Variants in KIFC3 observed in about 807,000 individuals in gnomAD.
KIFC3 encodes the protein kinesin-like protein KIFC3.
In KIFC3, 60 loss-of-function variants were observed where a neutral mutation model predicts 101.8. That is an observed-to-expected ratio of 0.59 (90% CI 0.48 to 0.73). The LOEUF (loss-of-function observed/expected upper bound fraction) is 0.73. Ranked by LOEUF, KIFC3 falls within the 30% of genes least tolerant of loss-of-function variation. The probability of loss-of-function intolerance (pLI) is 0.00; values close to 1 mark genes in which losing one functional copy is unlikely to be tolerated. For missense variants in KIFC3, 966 were observed against 1,137.1 expected, an observed-to-expected ratio of 0.85 and a Z score of 2.16; for synonymous variants, 476 against 482.7, an observed-to-expected ratio of 0.99 and a Z score of 0.18.
chr16:57,788,595 G>T, intron 3 of KIFC3: 2 of 1,289,096 alleles, frequency 1.6e-6, no homozygotes, highest in Non-Finnish European at 2.0e-6. Context: ...TACATTCATG[G>T]TGCCACCAGC....
chr16:57,775,077 C>T, intron 3 of KIFC3: 1 of 1,501,200 alleles, frequency 6.7e-7, no homozygotes. Context: ...GGCGGGATAC[C>T]CACCAGCCAC....
In KIFC3 at chr16:57,785,524, C is replaced by A. The variant is rs563618700; in HGVS notation, c.315+9475G>T. On this transcript the variant is annotated intron_variant, in intron 3 of 19. Coordinates refer to ENST00000445690, the MANE Select transcript of KIFC3 (RefSeq NM_001130100.2). ...CACTGTCGCGGAGGGCCAGCCTCTC[C>A]TGTAGGACCACCAGCTCCTCCTGTA... is the stretch of plus-strand genomic sequence containing the variant. The A allele has an allele frequency of 1.9e-5, 24 of 1,288,766 alleles. No individual in the cohort carries two copies. In the South Asian group the frequency reaches 2.6e-4, roughly 14 times the overall value. The allele number at this position is 1,288,766 out of a possible 1,614,324, so 79.8% of individuals were successfully genotyped here.
chr16:57,760,055 C>T, intron 17 of KIFC3: 3 of 620,968 alleles, frequency 4.8e-6, no homozygotes, highest in East Asian at 2.8e-5. Flanking sequence ...CTACTATGTG[C>T]CACCCCCACG....
At chr16:57,814,465 T>C (rs2055170283) in intron 1 of KIFC3, among the ~76,000 whole-genome samples, 1 of 152,164 alleles carries the variant, frequency 6.6e-6, no homozygotes, top group Admixed American at 6.5e-5. Context: ...TAACAGGTAA[T>C]ATTTATTGAG....
Position 57,759,799 on chromosome 16 carries a change from C to G in KIFC3, c.2405G>C (p.Arg802Pro), listed in dbSNP as rs369576344. The change falls in exon 18 of 20, where the codon CGG becomes CCG. Residue 802 changes from arginine to proline, a missense_variant. This residue lies in a region of KIFC3 where 689 missense variants were observed against 884.6 expected (regional missense o/e 0.78). Coordinates refer to ENST00000445690, the MANE Select transcript of KIFC3 (RefSeq NM_001130100.2). ...CCCAGAGCTGGGGGCTGAGTGGGCC[C>G]GTGCCGAGGGCTGTGGCGTCTGACA... ...PACQTPQPSA[R>P]AHSAPSSGTS... The G allele has an allele frequency of 1.9e-6, 3 of 1,610,568 alleles. No homozygotes were observed. The highest frequency in any genetic ancestry group is 2.5e-6 in the Non-Finnish European group (3 of 1,178,788).
At chr16:57,784,452 C>CATG (rs1416844258) in intron 3 of KIFC3, among the ~76,000 whole-genome samples, 1 of 152,240 alleles carries the variant, frequency 6.6e-6, no homozygotes, top group Non-Finnish European at 1.5e-5. Context: ...AGAAATGCTG[C>CATG]ATTTCAAAAA....
chr16:57,771,756 C>A, intron 4 of KIFC3, 70 bp from the exon 5 acceptor site: 1 of 1,527,378 alleles, frequency 6.5e-7, no homozygotes, highest in African/African-American at 1.4e-5. Context: ...GAGAGGCCCG[C>A]GGAGATGGCA....
chr16:57,822,777 G>A (rs1470710440), intron 1 of KIFC3, among the ~76,000 whole-genome samples: 1 of 152,134 alleles, frequency 6.6e-6, no homozygotes, highest in Non-Finnish European at 1.5e-5. Flanking sequence ...CTCAGAGACT[G>A]TTCCAGATTG....
intron 3 of KIFC3, chr16:57,782,379 C>T (rs992418257): frequency 3.3e-5 from 5 of 152,698 alleles, no homozygotes; most frequent in African/African-American, 1.2e-4. Flanking sequence ...TGGTGGTGGC[C>T]ACAGCAACAC....
Position 57,760,853 on chromosome 16 carries a change from G to A in KIFC3, c.2105C>T (p.Ser702Leu), listed in dbSNP as rs782080915. The change falls in exon 16 of 20, where the codon TCG (serine) becomes TTG (leucine). Residue 702 changes from serine to leucine, a missense_variant. By Grantham distance (145) the Ser-to-Leu change is moderately radical. Coordinates refer to ENST00000445690, the MANE Select transcript of KIFC3 (RefSeq NM_001130100.2). ...GGCAGCAATGACGTCCCCCAGAGCC[G>A]ACAGCGACTTGTTGATGTGCTGCGC... ...REAQHINKSL[S>L]ALGDVIAALR... 6.8e-6 allele frequency: 11 copies of A among 1,612,896 alleles called. No homozygotes were observed. Among genetic ancestry groups the A allele is most frequent in the South Asian group, 1.1e-5 (1 of 91,088 alleles).
chr16:57,759,917 G>T, intron 17 of KIFC3, 81 bp from the exon 18 acceptor site: 1 of 1,072,500 alleles, frequency 9.3e-7, no homozygotes, highest in Non-Finnish European at 1.3e-6. Flanking sequence ...CTACTCCCCT[G>T]CCCTGCCTCC....
At chr16:57,823,831 G>A (rs1005980470) in intron 1 of KIFC3, among the ~76,000 whole-genome samples, 11 of 149,856 alleles carry the variant, frequency 7.3e-5, no homozygotes, top group Non-Finnish European at 1.0e-4. Context: ...GTTTCACCAC[G>A]TTGGCCAGGC....
chr16:57,834,093 ACCTCATGATCTGC>A (rs560959933), intron 1 of KIFC3, among the ~76,000 whole-genome samples: 3 of 152,112 alleles, frequency 2.0e-5, no homozygotes, highest in African/African-American at 7.2e-5. Flanking sequence ...CTACCTCCTG[ACCTCATGATCTGC>A]CCGCTCGGCC....
chr16:57,802,701 C>A, upstream of KIFC3: 1 of 855,110 alleles, frequency 1.2e-6, no homozygotes, highest in East Asian at 2.9e-5. The surrounding 1 kb of genome is among the most constrained non-coding windows in gnomAD (Gnocchi z 5.0). Context: ...CGGTCTCTCC[C>A]GCCTCCCCGC....
intron 3 of KIFC3, among the ~76,000 whole-genome samples, chr16:57,789,733 GTTTTC>G (rs111304658): frequency 0.14 from 21,742 of 151,926 alleles, 1,802 homozygotes; most frequent in Middle Eastern, 0.22. Flanking sequence ...GTTTTGTTTT[GTTTTC>G]TTTTCTTTTC....
chr16:57,803,214 A>G (rs782658501), upstream of KIFC3: 391 of 718,426 alleles, frequency 5.4e-4, no homozygotes, highest in Non-Finnish European at 8.5e-4. Flanking sequence ...GCCTTGCTGC[A>G]GAAGGCCCTG....
upstream of KIFC3, among the ~76,000 whole-genome samples, chr16:57,805,295 T>G (rs1328234863): frequency 6.6e-6 from 1 of 152,138 alleles, no homozygotes; most frequent in Non-Finnish European, 1.5e-5. Flanking sequence ...GTTGTTGGAA[T>G]TTAAGAATGT....
chr16:57,850,465 G>GTTTTTTTTTTT (rs373157438), intron 1 of KIFC3, among the ~76,000 whole-genome samples: 11 of 84,110 alleles, frequency 1.3e-4, no homozygotes, highest in Non-Finnish European at 2.1e-4. Context: ...TTTAAAAAGG[G>GTTTTTTTTTTT]TTTTTTTTTT....
intron 3 of KIFC3, among the ~76,000 whole-genome samples, chr16:57,788,012 G>A (rs59705261): frequency 5.9e-5 from 9 of 152,326 alleles, no homozygotes; most frequent in South Asian, 2.1e-4. Context: ...AGGGACCCCC[G>A]GCATGGACCC....
Sources: gnomAD v4.1 joint callset for allele counts (sites outside exome capture counted in the v4.1 genomes callset) on GRCh38, gnomAD v4.1.1 for gene constraint, gnomAD v4.1.1 regional missense constraint, Gnocchi (gnomAD v3.1) non-coding constraint, MANE v1.5 for transcripts, NCBI Gene and HGNC (gene_info 2026-07-23, HGNC 2026-07-21) for gene names.